Variants in ARMC3 observed in about 807,000 individuals in gnomAD.
The protein encoded by ARMC3 is armadillo repeat-containing protein 3.
A neutral mutation model predicts 90.3 loss-of-function variants in ARMC3; 74 were observed. The observed-to-expected ratio is 0.82, with a 90% CI of 0.68 to 0.99. The LOEUF (loss-of-function observed/expected upper bound fraction) is 0.99, where lower values mean the gene tolerates loss of function less well. Among genes scored for constraint, ARMC3 ranks in the 50% least tolerant of loss-of-function variants. The pLI is 0.00. For missense variants in ARMC3, 958 were observed against 1,042.8 expected, an observed-to-expected ratio of 0.92 and a Z score of 1.12; for synonymous variants, 334 against 361.8, an observed-to-expected ratio of 0.92 and a Z score of 0.87.
chr10:23,007,837 C>T (rs1004917492), intron 14 of ARMC3, among the ~76,000 whole-genome samples: 1 of 152,118 alleles, frequency 6.6e-6, no homozygotes, highest in Non-Finnish European at 1.5e-5. Flanking sequence ...CTTGCAGTGG[C>T]TCATGCCTAT....
chr10:22,944,846 C>A (rs1023090653), intron 2 of ARMC3, among the ~76,000 whole-genome samples: 2 of 152,180 alleles, frequency 1.3e-5, no homozygotes, highest in African/African-American at 2.4e-5. Flanking sequence ...TAGAGGCCAC[C>A]TTTTCTCATT....
chr10:22,967,771 A>C (rs1329841811), intron 7 of ARMC3, among the ~76,000 whole-genome samples: 2 of 152,192 alleles, frequency 1.3e-5, no homozygotes, highest in African/African-American at 4.8e-5. Flanking sequence ...CCTTCCCTTC[A>C]TGATGGTGGA....
chr10:22,957,432 G>T (rs1284821491), intron 4 of ARMC3, among the ~76,000 whole-genome samples: 1 of 152,202 alleles, frequency 6.6e-6, no homozygotes, highest in African/African-American at 2.4e-5. Flanking sequence ...GGAAGGCAGT[G>T]ACTTTGAGAG....
chr10:22,930,532 G>A (rs16922799), intron 1 of ARMC3, among the ~76,000 whole-genome samples: 3,820 of 152,232 alleles, frequency 0.025, 173 homozygotes, highest in African/African-American at 0.087. Context: ...GAATAAGCTT[G>A]CCCAGGCCCT....
At chr10:22,980,801 AT>A (rs1386106460) in intron 8 of ARMC3, among the ~76,000 whole-genome samples, 12 of 152,316 alleles carry the variant, frequency 7.9e-5, no homozygotes, top group East Asian at 3.9e-4. Flanking sequence ...TGAGAAAAAA[AT>A]GATTATATTT....
In ARMC3 at chr10:22,961,987, C is replaced by T. The variant is rs530843797; in HGVS notation, c.641C>T (p.Thr214Ile). The T allele has an allele frequency of 6.2e-7, 1 of 1,612,490 alleles. No homozygotes were observed. Among genetic ancestry groups the T allele is most frequent in the African/African-American group, 1.3e-5 (1 of 74,848 alleles). The change falls in exon 7 of 19, where the codon ACC becomes ATC. Residue 214 changes from threonine (T) to isoleucine (I), a missense_variant. Coordinates refer to ENST00000298032, the MANE Select transcript of ARMC3 (RefSeq NM_173081.5). ...GTGATTCAGTTGTTGGCTCTCAAAA[C>T]CTTAGGTGTTATTGCAAATGATAAG... ...YPVIQLLALK[T>I]LGVIANDKES...
In ARMC3 at chr10:23,010,955, C is replaced by G. The variant is rs1322342335; in HGVS notation, c.2045+2024C>G. The stretch of plus-strand genomic sequence containing the variant: ...CCTTCCTTCCTTTCCCTTCCCTTCC[C>G]TGTTCTTCCCTTCCCTCTTCTCTCC... On this transcript the variant is annotated intron_variant, in intron 16 of 18. Transcript: ENST00000298032. Among the ~76,000 whole-genome samples, 2 of 133,418 alleles carry G rather than the reference C, an allele frequency of 1.5e-5. 1 individual carries two copies. The highest frequency in any genetic ancestry group is 5.6e-5 in the African/African-American group (2 of 35,782). The allele number at this position is 133,418 out of a possible 152,430, so 87.5% of individuals were successfully genotyped here.
chr10:23,003,504 C>G, intron 13 of ARMC3, 90 bp downstream of exon 13: 1 of 1,034,610 alleles, frequency 9.7e-7, no homozygotes. Flanking sequence ...TCATCATCAC[C>G]TAATGTAATT....
At chr10:22,957,791 C>G (rs1217298316) in intron 4 of ARMC3, among the ~76,000 whole-genome samples, 1 of 152,032 alleles carries the variant, frequency 6.6e-6, no homozygotes, top group Non-Finnish European at 1.5e-5. Context: ...ATGTTAGTAT[C>G]ATAATGAATG....
At chr10:23,016,304 G>A (rs1371243459) in intron 16 of ARMC3, among the ~76,000 whole-genome samples, 2 of 152,138 alleles carry the variant, frequency 1.3e-5, no homozygotes, top group East Asian at 1.9e-4. Flanking sequence ...CTAAAATTAT[G>A]TATTTCAATA....
chr10:23,017,008 T>C (rs945857914), intron 16 of ARMC3, among the ~76,000 whole-genome samples: 5 of 152,230 alleles, frequency 3.3e-5, no homozygotes, highest in African/African-American at 9.6e-5. Flanking sequence ...CACTTCTAAT[T>C]GACCTTCCTA....
chr10:22,981,341 T>C lies in ARMC3; in HGVS notation c.918T>C (p.Pro306=), dbSNP rs746331428. Reference sequence around the variant, plus strand: ...TTTTTTCCCTTTGGTGTATGAAAGCTGAAAATAGAAAACTTTTTCATGAAC... The same window carrying C: ...TTTTTTCCCTTTGGTGTATGAAAGCCGAAAATAGAAAACTTTTTCATGAAC... ...AKAITKAAYD[P]ENRKLFHEQE... The change falls in exon 9 of 19, where the codon CCT becomes CCC. Residue 306 remains proline (P), a splice_region_variant and synonymous_variant. Transcript: ENST00000298032. The C allele has an allele frequency of 6.9e-6, 11 of 1,595,386 alleles. No individual in the cohort carries two copies. In the South Asian group the frequency reaches 1.3e-4, roughly 18 times the overall value.
chr10:23,030,891 A>G (rs1838902657), intron 17 of ARMC3, 95 bp downstream of exon 17: 2 of 1,366,600 alleles, frequency 1.5e-6, no homozygotes, highest in East Asian at 2.5e-5. Context: ...CACCATAAAT[A>G]AAATTGAAGT....
chr10:23,014,518 A>C, intron 16 of ARMC3: 1 of 1,004,604 alleles, frequency 1.0e-6, no homozygotes, highest in Non-Finnish European at 1.2e-6. Context: ...TGTTAAAAAG[A>C]GTGAGACAAT....
At chr10:23,014,430 T>G in intron 16 of ARMC3, 6 of 1,106,428 alleles carry the variant, frequency 5.4e-6, no homozygotes, top group Non-Finnish European at 6.6e-6. Context: ...GTCTTATGAC[T>G]ATTAAAACTT....
chr10:23,000,060 G>C (rs1435669266), intron 11 of ARMC3, among the ~76,000 whole-genome samples: 1 of 152,044 alleles, frequency 6.6e-6, no homozygotes, highest in African/African-American at 2.4e-5. Context: ...ACTGGCTCCA[G>C]GCTTGTCTTT....
chr10:22,945,343 A>G lies in ARMC3; in HGVS notation c.49-801A>G, dbSNP rs575544627. Among the ~76,000 whole-genome samples, 14 of 152,334 alleles carry G rather than the reference A, an allele frequency of 9.2e-5. No homozygotes were observed. The South Asian group carries it at 1.0e-3, about 11-fold the overall frequency. On this transcript the variant is annotated intron_variant, in intron 2 of 18. Coordinates refer to ENST00000298032, the MANE Select transcript of ARMC3 (RefSeq NM_173081.5). Reference sequence around the variant, plus strand: ...CCCAAGCAGAACTCCATCCTTCATTAGTCTCTGGAAATGGAAGAAAAATAG... The same window carrying G: ...CCCAAGCAGAACTCCATCCTTCATTGGTCTCTGGAAATGGAAGAAAAATAG...
intron 10 of ARMC3, among the ~76,000 whole-genome samples, chr10:22,990,326 T>A (rs1292414168): frequency 6.6e-6 from 1 of 152,198 alleles, no homozygotes; most frequent in African/African-American, 2.4e-5. Flanking sequence ...TGAGTAGGAT[T>A]TCTGAGGAAA....
intron 7 of ARMC3, 83 bp downstream of exon 7, chr10:22,962,161 C>A (rs376204022): frequency 5.8e-5 from 61 of 1,053,914 alleles, no homozygotes; most frequent in Non-Finnish European, 7.7e-5. Flanking sequence ...TTATACTTAA[C>A]GTGTATTAAG....
Sources: gnomAD v4.1 joint callset for allele counts (sites outside exome capture counted in the v4.1 genomes callset) on GRCh38, gnomAD v4.1.1 for gene constraint, MANE v1.5 for transcripts, NCBI Gene and HGNC (gene_info 2026-07-23, HGNC 2026-07-21) for gene names.